The following CYP19A1 variants were observed in gnomAD, a reference collection of about 807,000 sequenced individuals.
CYP19A1 encodes cytochrome P450 family 19 subfamily A member 1, also known as aromatase.
A neutral mutation model predicts 44.4 loss-of-function variants in CYP19A1; 32 were observed. That is an observed-to-expected ratio of 0.72 (90% CI 0.54 to 0.97). The LOEUF (loss-of-function observed/expected upper bound fraction) is 0.97. CYP19A1 is among the 50% of genes least tolerant of loss of function. The probability of loss-of-function intolerance (pLI) is 0.00; values close to 1 mark genes in which losing one functional copy is unlikely to be tolerated. For missense variants in CYP19A1, 598 were observed against 637.8 expected (o/e 0.94, Z 0.67); for synonymous variants, 212 against 215.6 (o/e 0.98, Z 0.14).
chr15:51,323,162 C>G (rs2036553954), intron 1 of CYP19A1, among the ~76,000 whole-genome samples: 1 of 152,194 alleles, frequency 6.6e-6, no homozygotes, highest in Admixed American at 6.5e-5. Context: ...CAAACCCCTA[C>G]CACTATGTTA....
intron 1 of CYP19A1, among the ~76,000 whole-genome samples, chr15:51,319,905 A>G (rs1053497535): frequency 3.3e-5 from 5 of 152,234 alleles, no homozygotes; most frequent in African/African-American, 1.2e-4. Flanking sequence ...GGAAATTATA[A>G]TAATGCCTGC....
At position 51,210,915 on chromosome 15, in the gene CYP19A1, C is replaced by T. The variant is rs755754905; in HGVS notation, c.1405G>A (p.Glu469Lys). The change falls in exon 10 of 10, where the codon GAG (glutamate) becomes AAG (lysine). Residue 469 changes from glutamate to lysine, a missense_variant. Coordinates refer to ENST00000396402, the MANE Select transcript of CYP19A1 (RefSeq NM_000103.4). ...AAGTCGTGTATCTTCTGTATGCTCT[C>T]AACACACTGTCCTTGCAATGTCTTC... Reference protein sequence around the residue: ...HVKTLQGQCVESIQKIHDLSL... With the variant: ...HVKTLQGQCVKSIQKIHDLSL... The T allele has an allele frequency of 1.9e-6, 3 of 1,604,942 alleles. No individual in the cohort carries two copies. The highest frequency in any genetic ancestry group is 2.2e-5 in the East Asian group (1 of 44,842).
At chr15:51,289,170 C>A (rs1401857660) in intron 1 of CYP19A1, among the ~76,000 whole-genome samples, 1 of 152,134 alleles carries the variant, frequency 6.6e-6, no homozygotes, top group Non-Finnish European at 1.5e-5. Flanking sequence ...CTGTGGTACT[C>A]TCTCTATGTA....
Position 51,242,937 on chromosome 15 carries a change from G to T in CYP19A1, c.-25C>A, listed in dbSNP as rs921829852. ...TCTTGTGTTCCTTGACCTCAGAGGG[G>T]GCAATTTAGAGTCCTGTGGAAATCA... On this transcript the variant is annotated 5_prime_UTR_variant, in exon 2 of 10. Transcript: ENST00000396402. 10 of 1,576,178 alleles carry T rather than the reference G, an allele frequency of 6.3e-6. No homozygotes were observed. In the African/African-American group the frequency reaches 9.4e-5, roughly 15 times the overall value.
At position 51,215,770 on chromosome 15, in the gene CYP19A1, C is replaced by T. The variant is rs2304462; in HGVS notation, c.791G>A (p.Arg264His). ...CAGTTTCTCTTCTGTGGAAATCCTG[C>T]GTCTTTTTTCTGCTATCAGAACTTC... ...AIEVLIAEKR[R>H]RISTEEKLEE... Residue 264 changes from arginine (R) to histidine (H), a missense_variant, in exon 7 of 10, where the codon CGC (arginine) becomes CAC (histidine). Coordinates refer to ENST00000396402, the MANE Select transcript of CYP19A1 (RefSeq NM_000103.4). The T allele has an allele frequency of 1.7e-5, 27 of 1,613,978 alleles. No homozygotes were observed. The East Asian group carries it at 2.7e-4, about 16-fold the overall frequency.
chr15:51,216,007 A>T (rs2141044465), intron 6 of CYP19A1, 190 bp from the exon 7 acceptor site: 1 of 1,168,478 alleles, frequency 8.6e-7, no homozygotes, highest in Non-Finnish European at 1.2e-6. Context: ...CTTCATGTTA[A>T]GGTGCCAGAG....
At position 51,245,570 on chromosome 15, in the gene CYP19A1, C is replaced by G. The variant is rs546912691; in HGVS notation, c.-38-2620G>C. 5.9e-5 allele frequency among the ~76,000 whole-genome samples: 9 copies of G among 152,310 alleles called. No homozygotes were observed. The South Asian group carries it at 1.7e-3, about 28-fold the overall frequency. ...TCTGCACAGCAAAATAAACTACCAT[C>G]AGAGTGAACAGGCAACCTACAAAAT... On this transcript the variant is annotated intron_variant, in intron 1 of 9. Coordinates refer to ENST00000396402, the MANE Select transcript of CYP19A1 (RefSeq NM_000103.4).
chr15:51,272,905 A>G (rs1458887213), intron 1 of CYP19A1, among the ~76,000 whole-genome samples: 2 of 152,126 alleles, frequency 1.3e-5, no homozygotes, highest in South Asian at 2.1e-4. Flanking sequence ...CCATAAATGC[A>G]TACTCGGTTA....
chr15:51,299,281 C>G (rs1194274215), intron 1 of CYP19A1, among the ~76,000 whole-genome samples: 1 of 152,242 alleles, frequency 6.6e-6, no homozygotes, highest in Non-Finnish European at 1.5e-5. Context: ...GATTCATTCA[C>G]AGGAGCTGCT....
chr15:51,255,040 A>G (rs1411994550), intron 1 of CYP19A1, among the ~76,000 whole-genome samples: 2 of 152,128 alleles, frequency 1.3e-5, no homozygotes, highest in Admixed American at 6.5e-5. Context: ...AACCTCAAAC[A>G]GGGTCATGGG....
chr15:51,228,419 A>G (rs1303965019), intron 3 of CYP19A1, among the ~76,000 whole-genome samples: 4 of 152,226 alleles, frequency 2.6e-5, no homozygotes, highest in African/African-American at 9.6e-5. Context: ...TTTTGGAACC[A>G]GCAGTTTTGC....
At chr15:51,317,984 C>T (rs1234233519) in intron 1 of CYP19A1, among the ~76,000 whole-genome samples, 1 of 152,132 alleles carries the variant, frequency 6.6e-6, no homozygotes, top group African/African-American at 2.4e-5. Flanking sequence ...TATCTCCCCA[C>T]CCCCATCACA....
chr15:51,307,594 G>A (rs2036238080), intron 1 of CYP19A1, among the ~76,000 whole-genome samples: 1 of 152,074 alleles, frequency 6.6e-6, no homozygotes, highest in African/African-American at 2.4e-5. Context: ...ATGCTCTTTG[G>A]GTGCAGGTTG....
At chr15:51,256,591 C>T (rs1350330915) in intron 1 of CYP19A1, among the ~76,000 whole-genome samples, 1 of 152,154 alleles carries the variant, frequency 6.6e-6, no homozygotes, top group East Asian at 1.9e-4. Context: ...GTGGCAAATA[C>T]CAAATATACC....
At chr15:51,310,246 T>G (rs2036288005) in intron 1 of CYP19A1, among the ~76,000 whole-genome samples, 1 of 152,192 alleles carries the variant, frequency 6.6e-6, no homozygotes, top group African/African-American at 2.4e-5. Context: ...AACTGAGGTC[T>G]CTGAAAAGTC....
At chr15:51,332,158 C>T (rs1331755088) in intron 1 of CYP19A1, among the ~76,000 whole-genome samples, 3 of 151,496 alleles carry the variant, frequency 2.0e-5, no homozygotes, top group African/African-American at 7.3e-5. Context: ...CAATTATTTT[C>T]TTTCTCTTCT....
At chr15:51,216,150 T>A (rs2031553623) in intron 6 of CYP19A1, among the ~76,000 whole-genome samples, 1 of 152,084 alleles carries the variant, frequency 6.6e-6, no homozygotes, top group East Asian at 1.9e-4. Context: ...ATGTTTAAAT[T>A]AAAAAAACAA....
chr15:51,280,918 T>C (rs761147885), intron 1 of CYP19A1, among the ~76,000 whole-genome samples: 103 of 152,052 alleles, frequency 6.8e-4, no homozygotes, highest in Non-Finnish European at 1.8e-4. Context: ...TATTCCAGTC[T>C]CAGGAATGGG....
At chr15:51,252,640 T>C (rs747321890) in intron 1 of CYP19A1, among the ~76,000 whole-genome samples, 1 of 152,198 alleles carries the variant, frequency 6.6e-6, no homozygotes, top group Non-Finnish European at 1.5e-5. Context: ...ACTGTGGCCC[T>C]GAAGAGGGCA....
Sources: gnomAD v4.1 joint callset for allele counts (sites outside exome capture counted in the v4.1 genomes callset) on GRCh38, gnomAD v4.1.1 for gene constraint, MANE v1.5 for transcripts, NCBI Gene and HGNC (gene_info 2026-07-23, HGNC 2026-07-21) for gene names.